The following GPC6 variants were observed in gnomAD, a reference collection of about 807,000 sequenced individuals.
GPC6 encodes glypican-6.
In GPC6, 14 loss-of-function variants were observed where a neutral mutation model predicts 55.2. The ratio of observed to expected loss-of-function variants is 0.25; its 90% CI spans 0.17 to 0.40. GPC6 has a LOEUF of 0.40. Among genes scored for constraint, GPC6 ranks in the 10% least tolerant of loss-of-function variants. GPC6 has a pLI of 1.00. For synonymous variants in GPC6, 278 were observed against 259.6 expected, an observed-to-expected ratio of 1.07 and a Z score of -0.68; for missense variants, 641 against 708.5, an observed-to-expected ratio of 0.90 and a Z score of 1.08.
At chr13:93,246,206 C>A in intron 1 of GPC6, among the ~76,000 whole-genome samples, 1 of 152,162 alleles carries the variant, frequency 6.6e-6, no homozygotes, top group East Asian at 1.9e-4. Flanking sequence ...GGTCACTCTG[C>A]ATTTTGTACA....
At chr13:94,057,609 T>G (rs1344519307) in intron 4 of GPC6, among the ~76,000 whole-genome samples, 1 of 152,170 alleles carries the variant, frequency 6.6e-6, no homozygotes, top group African/African-American at 2.4e-5. Context: ...GGAAATACCT[T>G]CAAGAAAGGA....
chr13:93,821,036 A>G (rs538042137), intron 2 of GPC6, among the ~76,000 whole-genome samples: 27 of 152,310 alleles, frequency 1.8e-4, no homozygotes, highest in African/African-American at 6.0e-4. Context: ...TAAAGGCATG[A>G]TATGTTTTGT....
At chr13:93,505,064 G>A (rs555551698) in intron 1 of GPC6, among the ~76,000 whole-genome samples, 2 of 152,280 alleles carry the variant, frequency 1.3e-5, no homozygotes, top group Non-Finnish European at 2.9e-5. Flanking sequence ...ATATTTGATG[G>A]AAACGGATGT....
chr13:94,342,644 C>G (rs891733970), intron 6 of GPC6, among the ~76,000 whole-genome samples: 2 of 152,130 alleles, frequency 1.3e-5, no homozygotes, highest in African/African-American at 4.8e-5. Flanking sequence ...CTGGCAGCCC[C>G]GGGAAACTAC....
intron 2 of GPC6, among the ~76,000 whole-genome samples, chr13:93,778,755 A>T (rs746946503): frequency 4.6e-5 from 7 of 152,296 alleles, no homozygotes; most frequent in Non-Finnish European, 7.4e-5. Context: ...CATTCCAAGC[A>T]AATGGCTTAT....
chr13:94,130,620 T>C (rs1886973730), intron 4 of GPC6, among the ~76,000 whole-genome samples: 1 of 152,100 alleles, frequency 6.6e-6, no homozygotes, highest in Admixed American at 6.6e-5. Flanking sequence ...GAAACTCTAT[T>C]TAGCTACTAT....
intron 2 of GPC6, among the ~76,000 whole-genome samples, chr13:93,695,957 A>G (rs1006059203): frequency 2.0e-5 from 3 of 152,162 alleles, no homozygotes; most frequent in Admixed American, 2.0e-4. Context: ...TCCAGATTTT[A>G]TAAGAAGAAA....
chr13:94,121,558 T>C (rs1181977421), intron 4 of GPC6, among the ~76,000 whole-genome samples: 3 of 152,162 alleles, frequency 2.0e-5, no homozygotes, highest in African/African-American at 7.2e-5. Context: ...ATAATGGACA[T>C]TGGATGATTA....
At chr13:93,885,565 G>A (rs1239298814) in intron 3 of GPC6, among the ~76,000 whole-genome samples, 7 of 151,984 alleles carry the variant, frequency 4.6e-5, no homozygotes, top group Non-Finnish European at 1.0e-4. Flanking sequence ...TACAAGGGAC[G>A]TTTCTTAGAA....
intron 2 of GPC6, among the ~76,000 whole-genome samples, chr13:93,763,446 A>G (rs1381455421): frequency 6.6e-6 from 1 of 152,208 alleles, no homozygotes; most frequent in Non-Finnish European, 1.5e-5. Context: ...ACTTGCCCCT[A>G]TCCTCTCATA....
intron 1 of GPC6, among the ~76,000 whole-genome samples, chr13:93,401,896 A>C (rs1288720956): frequency 6.6e-6 from 1 of 152,044 alleles, no homozygotes; most frequent in Non-Finnish European, 1.5e-5. Context: ...TAAATTAAGA[A>C]TAAGGTTGGG....
intron 4 of GPC6, among the ~76,000 whole-genome samples, chr13:94,129,925 T>C (rs1211645789): frequency 1.3e-5 from 2 of 152,152 alleles, no homozygotes; most frequent in African/African-American, 4.8e-5. Context: ...GGTCTGTATG[T>C]TACACAGAAG....
intron 2 of GPC6, among the ~76,000 whole-genome samples, chr13:93,648,792 T>A (rs1415140997): frequency 1.3e-5 from 2 of 151,982 alleles, no homozygotes; most frequent in Admixed American, 6.6e-5. Context: ...AGTCATAGAG[T>A]CAGAAGGTAC....
intron 6 of GPC6, among the ~76,000 whole-genome samples, chr13:94,337,966 C>T (rs895802301): frequency 2.6e-5 from 4 of 152,128 alleles, no homozygotes; most frequent in East Asian, 1.9e-4. Flanking sequence ...CGAGGGCACA[C>T]GCTAAGTTTG....
intron 4 of GPC6, among the ~76,000 whole-genome samples, chr13:94,084,948 T>G (rs2138802514): frequency 6.6e-6 from 1 of 152,120 alleles, no homozygotes; most frequent in Non-Finnish European, 1.5e-5. Context: ...TGAGAGTTTA[T>G]GTCAAAAGTA....
chr13:94,182,154 A>T (rs924573477), intron 4 of GPC6, among the ~76,000 whole-genome samples: 1 of 152,176 alleles, frequency 6.6e-6, no homozygotes, highest in African/African-American at 2.4e-5. Flanking sequence ...AACCAGGCAG[A>T]TTCCACTTGC....
intron 3 of GPC6, among the ~76,000 whole-genome samples, chr13:93,957,224 A>G (rs1879548832): frequency 6.6e-6 from 1 of 152,188 alleles, no homozygotes; most frequent in Admixed American, 6.5e-5. Context: ...AACTACTTTT[A>G]TGCTGCCCTC....
intron 3 of GPC6, among the ~76,000 whole-genome samples, chr13:93,958,371 AT>A (rs1313233354): frequency 5.9e-5 from 9 of 152,234 alleles, no homozygotes; most frequent in Admixed American, 1.3e-4. Context: ...TCTCGAGTGA[AT>A]TTTTGTATAT....
At chr13:93,652,568 C>A (rs945442669) in intron 2 of GPC6, among the ~76,000 whole-genome samples, 8 of 152,266 alleles carry the variant, frequency 5.3e-5, no homozygotes, top group African/African-American at 1.9e-4. Flanking sequence ...GAGTTTTCAA[C>A]TCTGTCCCCT....
Sources: allele counts gnomAD v4.1 joint callset (sites outside exome capture counted in the v4.1 genomes callset), GRCh38; gene constraint gnomAD v4.1.1; transcripts MANE v1.5; gene names NCBI Gene and HGNC (gene_info 2026-07-23, HGNC 2026-07-21).